Variants in EML1 observed in about 807,000 individuals in gnomAD.
EML1 encodes the protein echinoderm microtubule-associated protein-like 1.
In EML1, 27 loss-of-function variants were observed where a neutral mutation model predicts 110.4. The observed-to-expected ratio is 0.24, with a 90% CI of 0.18 to 0.34. The LOEUF is 0.34. Among genes scored for constraint, EML1 ranks in the 10% least tolerant of loss-of-function variants. The probability of loss-of-function intolerance (pLI) is 1.00; values close to 1 mark genes in which losing one functional copy is unlikely to be tolerated. For missense variants in EML1, 741 were observed against 1,030.9 expected, an observed-to-expected ratio of 0.72 and a Z score of 3.85; for synonymous variants, 344 against 385.8, an observed-to-expected ratio of 0.89 and a Z score of 1.27.
chr14:99,807,781 T>G lies in EML1; in HGVS notation c.67+14238T>G, dbSNP rs1053073173. 3.9e-4 allele frequency among the ~76,000 whole-genome samples: 60 copies of G among 152,204 alleles called. 1 individual carries two copies. The highest frequency in any genetic ancestry group is 4.4e-5 in the Non-Finnish European group (3 of 68,038). ...AGGCTTGAGAGCTCCAGCACAGCGT[T>G]GTCTAGAATCAAGATGCTAGGACTT... On this transcript the variant is annotated intron_variant, in intron 1 of 21. Transcript: ENST00000262233.
chr14:99,771,012 C>T (rs1484280305), upstream of EML1, among the ~76,000 whole-genome samples: 1 of 151,918 alleles, frequency 6.6e-6, no homozygotes, highest in Non-Finnish European at 1.5e-5. Flanking sequence ...TCTTGATCTC[C>T]TGACCTCGTG....
chr14:99,916,619 A>G (rs758805377), intron 15 of EML1, among the ~76,000 whole-genome samples: 38 of 152,318 alleles, frequency 2.5e-4, no homozygotes, highest in Middle Eastern at 3.4e-3. Context: ...CTTATTTCCT[A>G]GTGATCAAAG....
intron 17 of EML1, among the ~76,000 whole-genome samples, chr14:99,922,482 G>A (rs543917181): frequency 6.6e-6 from 1 of 152,154 alleles, no homozygotes; most frequent in African/African-American, 2.4e-5. Flanking sequence ...TCATGTATAT[G>A]CCTTTTTGTG....
intron 3 of EML1, chr14:99,875,105 A>G: frequency 7.1e-6 from 6 of 849,280 alleles, no homozygotes; most frequent in Non-Finnish European, 1.1e-5. Flanking sequence ...CAAGTCATCA[A>G]TCATGTAACT....
At chr14:99,801,971 T>C (rs2057889540) in intron 1 of EML1, among the ~76,000 whole-genome samples, 1 of 152,204 alleles carries the variant, frequency 6.6e-6, no homozygotes, top group Non-Finnish European at 1.5e-5. Context: ...CCAGTGTTAT[T>C]TTCACACTCA....
intron 1 of EML1, among the ~76,000 whole-genome samples, chr14:99,826,741 T>C (rs2058367475): frequency 6.6e-6 from 1 of 152,086 alleles, no homozygotes; most frequent in Non-Finnish European, 1.5e-5. Flanking sequence ...AAAAACACCT[T>C]AGGTCAGAAA....
chr14:99,750,441 G>T (rs964224222), intron 1 of EML1, among the ~76,000 whole-genome samples: 2 of 152,158 alleles, frequency 1.3e-5, no homozygotes. Context: ...AGGGAGGGGA[G>T]CATGACTGAG....
At chr14:99,766,695 G>A (rs971923376) in intron 1 of EML1, among the ~76,000 whole-genome samples, 2 of 152,172 alleles carry the variant, frequency 1.3e-5, no homozygotes, top group South Asian at 2.1e-4. Context: ...CTTGGAAAAT[G>A]TTAAATGTCC....
Position 99,878,526 on chromosome 14 carries a change from G to A in EML1, c.425G>A (p.Gly142Glu), listed in dbSNP as rs776900171. 1 of 1,614,058 alleles carries A rather than the reference G, an allele frequency of 6.2e-7. No individual in the cohort carries two copies. The highest frequency in any genetic ancestry group is 2.2e-5 in the East Asian group (1 of 44,882). ...RTSSSERVSP[G>E]GRRESNGDSR... Reference sequence around the variant, plus strand: ...AGCTCTTCTGAACGAGTGTCTCCTGGGGGTCGAAGGGAAAGCAATGGGGAT... The same window carrying A: ...AGCTCTTCTGAACGAGTGTCTCCTGAGGGTCGAAGGGAAAGCAATGGGGAT... Residue 142 changes from glycine (G) to glutamate (E), a missense_variant, in exon 4 of 22, where the codon GGG becomes GAG. Transcript: ENST00000262233.
Position 99,936,056 on chromosome 14 carries a change from A to G in EML1, c.1937A>G (p.His646Arg). 3 of 1,614,140 alleles carry G rather than the reference A, an allele frequency of 1.9e-6. No homozygotes were observed. Among genetic ancestry groups the G allele is most frequent in the Non-Finnish European group, 1.7e-6 (2 of 1,180,028 alleles). Reference sequence around the variant, plus strand: ...GGGAATTTCTTAGCCATAGGCTCACATGACAACTGCATCTATATATATGGC... The same window carrying G: ...GGGAATTTCTTAGCCATAGGCTCACGTGACAACTGCATCTATATATATGGC... Reference protein sequence around the residue: ...PDGNFLAIGSHDNCIYIYGVS... With the variant: ...PDGNFLAIGSRDNCIYIYGVS... The change falls in exon 18 of 22, where the codon CAT becomes CGT. Residue 646 changes from histidine to arginine, a missense_variant. Physicochemically the swap from His to Arg is conservative, Grantham distance 29. This residue lies in a region of EML1 where 388 missense variants were observed against 605.6 expected (regional missense o/e 0.64). Transcript: ENST00000262233. The surrounding 1 kb of genome is among the most constrained non-coding windows in gnomAD (Gnocchi z 5.5).
chr14:99,768,793 C>G (rs967424198), upstream of EML1, among the ~76,000 whole-genome samples: 5 of 151,458 alleles, frequency 3.3e-5, no homozygotes, highest in Middle Eastern at 3.2e-3. Context: ...TCTTGGCTCA[C>G]TGCAACCTCT....
intron 6 of EML1, among the ~76,000 whole-genome samples, chr14:99,896,002 A>C (rs1053539056): frequency 1.3e-5 from 2 of 152,154 alleles, no homozygotes; most frequent in African/African-American, 4.8e-5. Flanking sequence ...TCATGGCATG[A>C]GGTTTGGAAA....
At chr14:99,767,553 CGAGCT>C (rs2057380100) in intron 1 of EML1, among the ~76,000 whole-genome samples, 1 of 151,870 alleles carries the variant, frequency 6.6e-6, no homozygotes, top group African/African-American at 2.4e-5. Flanking sequence ...GAGGTTGCAG[CGAGCT>C]GAGATCACGC....
intron 4 of EML1, among the ~76,000 whole-genome samples, chr14:99,888,288 C>T (rs947485829): frequency 1.3e-5 from 2 of 152,154 alleles, no homozygotes; most frequent in Admixed American, 6.5e-5. Context: ...CTGTATGAAG[C>T]GTTCAGATTC....
intron 1 of EML1, among the ~76,000 whole-genome samples, chr14:99,824,375 T>G: frequency 6.6e-6 from 1 of 152,216 alleles, no homozygotes; most frequent in South Asian, 2.1e-4. Context: ...ATTAGGGAAA[T>G]GTAAATCAAA....
rs1382940661 is a variant in EML1, at chr14:99,914,631, G to A, written c.1686G>A (p.Gly562=). The change falls in exon 15 of 22, where the codon GGG becomes GGA. Residue 562 remains glycine, a synonymous_variant. Coordinates refer to ENST00000262233, the MANE Select transcript of EML1 (RefSeq NM_004434.3). ...CAAAATCTCAGTTCTTGACCTGTGG[G>A]CATGACAAGCATGCCACTCTCTGGG... ...HASKSQFLTC[G]HDKHATLWDA... 1 of 1,612,736 alleles carries A rather than the reference G, an allele frequency of 6.2e-7. No individual in the cohort carries two copies. Among genetic ancestry groups the A allele is most frequent in the Admixed American group, 1.7e-5 (1 of 59,480 alleles).
At chr14:99,925,565 T>C (rs1000740662) in intron 17 of EML1, among the ~76,000 whole-genome samples, 3 of 152,200 alleles carry the variant, frequency 2.0e-5, no homozygotes, top group Admixed American at 6.5e-5. Context: ...TTTTGCTTCA[T>C]GTAGTTTGAA....
chr14:99,906,443 G>A (rs1211555210), intron 9 of EML1, among the ~76,000 whole-genome samples: 2 of 152,154 alleles, frequency 1.3e-5, no homozygotes, highest in African/African-American at 4.8e-5. Context: ...GAGCATATAG[G>A]GTAACTTCCT....
intron 2 of EML1, among the ~76,000 whole-genome samples, chr14:99,862,820 T>G (rs572178731): frequency 1.3e-5 from 2 of 152,306 alleles, no homozygotes; most frequent in Non-Finnish European, 2.9e-5. Flanking sequence ...CCTGAAGGCA[T>G]GCTTTCTTCT....
Sources: gnomAD v4.1 joint callset for allele counts (sites outside exome capture counted in the v4.1 genomes callset) on GRCh38, gnomAD v4.1.1 for gene constraint, gnomAD v4.1.1 regional missense constraint, Gnocchi (gnomAD v3.1) non-coding constraint, MANE v1.5 for transcripts, NCBI Gene and HGNC (gene_info 2026-07-23, HGNC 2026-07-21) for gene names.